The following RBPMS variants were observed in gnomAD, a reference collection of about 807,000 sequenced individuals.
RBPMS encodes the protein RNA binding protein, mRNA processing factor, also known as RNA-binding protein with multiple splicing.
Under a neutral mutation model 26.8 loss-of-function variants are expected in RBPMS, and 7 were observed. The ratio of observed to expected loss-of-function variants is 0.26; its 90% CI spans 0.15 to 0.49. RBPMS has a LOEUF of 0.49. Ranked by LOEUF, RBPMS falls within the 20% of genes least tolerant of loss-of-function variation. RBPMS has a pLI of 0.98. For synonymous variants in RBPMS, 96 were observed against 93.3 expected, an observed-to-expected ratio of 1.03 and a Z score of -0.17; for missense variants, 186 against 250.0, an observed-to-expected ratio of 0.74 and a Z score of 1.73.
intron 5 of RBPMS, among the ~76,000 whole-genome samples, chr8:30,534,181 C>G (rs537246335): frequency 6.6e-6 from 1 of 151,936 alleles, no homozygotes; most frequent in African/African-American, 2.4e-5. Flanking sequence ...CACAGAAACT[C>G]AGTTTGGAGG....
intron 1 of RBPMS, among the ~76,000 whole-genome samples, chr8:30,414,355 T>G (rs1013000751): frequency 1.3e-5 from 2 of 152,114 alleles, no homozygotes; most frequent in South Asian, 4.1e-4. Context: ...TGGTGCAGAG[T>G]TGAGGAACTT....
In RBPMS at chr8:30,441,487, A is replaced by T. The variant is rs140957339; in HGVS notation, c.67-33292A>T. On this transcript the variant is annotated intron_variant, in intron 1 of 8. Coordinates refer to ENST00000397323, the MANE Select transcript of RBPMS (RefSeq NM_001008710.3). Reference sequence around the variant, plus strand: ...AGGAAAGCATTATTCATGTCACAAGAGTTTACAAATAACAGGTGTACAATG... The same window carrying T: ...AGGAAAGCATTATTCATGTCACAAGTGTTTACAAATAACAGGTGTACAATG... Among the ~76,000 whole-genome samples, 1,471 of 152,316 alleles carry T rather than the reference A, an allele frequency of 9.7e-3. 31 individuals are homozygous for T. Among genetic ancestry groups the T allele is most frequent in the Admixed American group, 0.016 (240 of 15,308 alleles).
chr8:30,556,535 C>G (rs192582532), intron 6 of RBPMS: 1 of 986,598 alleles, frequency 1.0e-6, no homozygotes, highest in African/African-American at 1.7e-5. Flanking sequence ...TGTGAAACAC[C>G]GTCACGTCTT....
At chr8:30,481,966 C>A (rs1242476109) in intron 4 of RBPMS, among the ~76,000 whole-genome samples, 2 of 152,180 alleles carry the variant, frequency 1.3e-5, no homozygotes, top group Non-Finnish European at 2.9e-5. Context: ...TAAGCCTTGT[C>A]CATTTTATAC....
At chr8:30,542,768 T>A (rs150191281) in intron 5 of RBPMS, among the ~76,000 whole-genome samples, 2 of 152,338 alleles carry the variant, frequency 1.3e-5, no homozygotes, top group East Asian at 3.9e-4. Context: ...CTAGCTGGGC[T>A]CCCACGTGAG....
intron 4 of RBPMS, among the ~76,000 whole-genome samples, chr8:30,497,887 G>A (rs867788021): frequency 2.7e-4 from 41 of 152,014 alleles, no homozygotes; most frequent in Middle Eastern, 3.4e-3. Flanking sequence ...CTCCCAAAGT[G>A]CTGGGATTAC....
chr8:30,567,901 G>C, intron 8 of RBPMS, among the ~76,000 whole-genome samples: 1 of 152,182 alleles, frequency 6.6e-6, no homozygotes, highest in Non-Finnish European at 1.5e-5. Flanking sequence ...GCCTTCCCTG[G>C]GTTACAGCAG....
chr8:30,560,837 C>T (rs578069982), intron 7 of RBPMS, among the ~76,000 whole-genome samples: 61 of 152,246 alleles, frequency 4.0e-4, no homozygotes, highest in African/African-American at 1.5e-3. Context: ...CTGGGGGAAC[C>T]ATATCCTAAC....
intron 5 of RBPMS, among the ~76,000 whole-genome samples, chr8:30,524,223 A>G (rs1304448158): frequency 6.6e-6 from 1 of 152,122 alleles, no homozygotes; most frequent in African/African-American, 2.4e-5. Flanking sequence ...ACAGCCATTG[A>G]TTATCAGGAT....
At chr8:30,545,005 GA>G in intron 6 of RBPMS, 1 of 1,445,824 alleles carries the variant, frequency 6.9e-7, no homozygotes. Context: ...AGGAGAAGGG[GA>G]TATGTGCGTC....
At chr8:30,453,739 TC>T (rs1349850854) in intron 1 of RBPMS, 3 of 152,150 alleles carry the variant, frequency 2.0e-5, no homozygotes, top group Admixed American at 1.3e-4. Context: ...AAGAAAATCT[TC>T]CCAACGATCT....
intron 4 of RBPMS, among the ~76,000 whole-genome samples, chr8:30,498,837 G>A (rs575583368): frequency 4.0e-4 from 61 of 152,120 alleles, no homozygotes; most frequent in Middle Eastern, 3.4e-3. Context: ...GGAGCTATCA[G>A]TATGAACTTC....
At chr8:30,409,726 T>C (rs914683336) in intron 1 of RBPMS, among the ~76,000 whole-genome samples, 11 of 151,552 alleles carry the variant, frequency 7.3e-5, no homozygotes, top group African/African-American at 2.7e-4. Flanking sequence ...TCTGACTCCC[T>C]GGTTCAAGCG....
rs182234999 is a variant in RBPMS at position 30,482,451 on chromosome 8, A to G, written c.246+3074A>G. Among the ~76,000 whole-genome samples, 54 of 152,224 alleles carry G rather than the reference A, an allele frequency of 3.5e-4. 1 individual carries two copies. The highest frequency in any genetic ancestry group is 6.8e-3 in the Middle Eastern group (2 of 294). On this transcript the variant is annotated intron_variant, in intron 4 of 8. Transcript: ENST00000397323. ...TTTTGTTGTTTCTGTCTTGATTGCTATCTGGTTCAGTTGTTAGTATTAGTG... is the reference window on the plus strand; with the variant it reads ...TTTTGTTGTTTCTGTCTTGATTGCTGTCTGGTTCAGTTGTTAGTATTAGTG...
At chr8:30,518,703 T>C (rs1466415632) in intron 5 of RBPMS, among the ~76,000 whole-genome samples, 1 of 132,808 alleles carries the variant, frequency 7.5e-6, no homozygotes, top group Non-Finnish European at 1.6e-5. Context: ...TTTTTTTTTT[T>C]TTTTTTTTTT....
chr8:30,460,131 A>G (rs1253622273), intron 1 of RBPMS, among the ~76,000 whole-genome samples: 3 of 152,378 alleles, frequency 2.0e-5, no homozygotes, highest in Admixed American at 6.5e-5. Context: ...GATGGGGCAT[A>G]TTAATTGTAG....
intron 1 of RBPMS, among the ~76,000 whole-genome samples, chr8:30,415,514 C>A (rs1357625343): frequency 6.6e-6 from 1 of 152,168 alleles, no homozygotes; most frequent in Admixed American, 6.5e-5. Context: ...TCAGTCATAC[C>A]GAGCTTCATT....
chr8:30,434,776 A>AACACACAC (rs33991199), intron 1 of RBPMS, among the ~76,000 whole-genome samples: 264 of 147,522 alleles, frequency 1.8e-3, no homozygotes, highest in African/African-American at 4.1e-3. Context: ...ATTCCCATAT[A>AACACACAC]ACACACACAC....
chr8:30,475,613 T>G (rs920360944), intron 2 of RBPMS, among the ~76,000 whole-genome samples: 1 of 152,162 alleles, frequency 6.6e-6, no homozygotes, highest in Non-Finnish European at 1.5e-5. Context: ...TGATTTCTGG[T>G]TAAAGATCAT....
Sources: gnomAD v4.1 joint callset for allele counts (sites outside exome capture counted in the v4.1 genomes callset) on GRCh38, gnomAD v4.1.1 for gene constraint, MANE v1.5 for transcripts, NCBI Gene and HGNC (gene_info 2026-07-23, HGNC 2026-07-21) for gene names.